The following NAPB variants were observed in gnomAD, a reference collection of about 807,000 sequenced individuals.
NAPB encodes the protein beta-soluble NSF attachment protein.
Under a neutral mutation model 44.7 loss-of-function variants are expected in NAPB, and 26 were observed. The ratio of observed to expected loss-of-function variants is 0.58; its 90% CI spans 0.43 to 0.81. The LOEUF is 0.81. Among genes scored for constraint, NAPB ranks in the 30% least tolerant of loss-of-function variants. The pLI, the probability that NAPB is intolerant of heterozygous loss-of-function variation, is 0.00. For synonymous variants in NAPB, 120 were observed against 116.8 expected (o/e 1.03, Z -0.18); for missense variants, 315 against 356.4 (o/e 0.88, Z 0.94).
intron 7 of NAPB, among the ~76,000 whole-genome samples, chr20:23,385,017 G>C (rs1293828882): frequency 1.3e-5 from 2 of 152,138 alleles, no homozygotes; most frequent in African/African-American, 4.8e-5. Context: ...TACTCGGGAG[G>C]CTGAGGCAGG....
At position 23,377,418 on chromosome 20, in the gene NAPB, C is replaced by T. The variant is rs1365854337; in HGVS notation, c.855G>A (p.Lys285=). The T allele has an allele frequency of 8.1e-6, 13 of 1,603,038 alleles. No homozygotes were observed. Among genetic ancestry groups the T allele is most frequent in the Non-Finnish European group, 1.1e-5 (13 of 1,172,938 alleles). ...WLTTMLLRIK[K]SIQGDGEGDG... ...CTCCTTCTCCATCCCCTTGGATGGA[C>T]TTTTTGATGCGAAGCAACATGGTGG... The change falls in exon 11 of 11, where the codon AAG becomes AAA. Residue 285 remains lysine, a synonymous_variant. Coordinates refer to ENST00000377026, the MANE Select transcript of NAPB (RefSeq NM_022080.3).
At chr20:23,406,262 G>A (rs1277272648) in intron 1 of NAPB, among the ~76,000 whole-genome samples, 2 of 152,164 alleles carry the variant, frequency 1.3e-5, no homozygotes, top group African/African-American at 2.4e-5. Flanking sequence ...AGCAGGCAAA[G>A]ACATCTAGAG....
chr20:23,378,186 T>C (rs1052125421), intron 10 of NAPB, among the ~76,000 whole-genome samples: 1 of 141,820 alleles, frequency 7.1e-6, no homozygotes, highest in East Asian at 2.1e-4. Context: ...TAGCTGGGGG[T>C]GGTGGTGTGC....
intron 2 of NAPB, among the ~76,000 whole-genome samples, chr20:23,401,930 A>G (rs1984887388): frequency 6.6e-6 from 1 of 152,170 alleles, no homozygotes; most frequent in Non-Finnish European, 1.5e-5. Flanking sequence ...ATAAGTAAGT[A>G]AGTGATCTCT....
At chr20:23,386,725 A>C (rs1423211542) in intron 7 of NAPB, among the ~76,000 whole-genome samples, 1 of 152,302 alleles carries the variant, frequency 6.6e-6, no homozygotes, top group South Asian at 2.1e-4. Flanking sequence ...CTGTTTACAT[A>C]ACTCCACTGA....
intron 1 of NAPB, among the ~76,000 whole-genome samples, chr20:23,408,151 C>T (rs1985382794): frequency 6.6e-6 from 1 of 152,200 alleles, no homozygotes; most frequent in Non-Finnish European, 1.5e-5. Context: ...AAATTCAGCT[C>T]TAACATCAGG....
At chr20:23,385,126 AC>A (rs34658304) in intron 7 of NAPB, among the ~76,000 whole-genome samples, 45,014 of 151,846 alleles carry the variant, frequency 0.3, 6,694 homozygotes, top group Middle Eastern at 0.38. Flanking sequence ...CTCAAAACAA[AC>A]AAACAAAAAA....
At chr20:23,409,878 T>G (rs535231394) in intron 1 of NAPB, among the ~76,000 whole-genome samples, 22 of 152,322 alleles carry the variant, frequency 1.4e-4, no homozygotes, top group African/African-American at 5.3e-4. Flanking sequence ...CTGCTGCCAG[T>G]CAGAGGGGCG....
intron 7 of NAPB, among the ~76,000 whole-genome samples, chr20:23,386,736 G>C (rs4813493): frequency 0.25 from 37,841 of 152,086 alleles, 5,408 homozygotes; most frequent in Middle Eastern, 0.36. Flanking sequence ...ACTCCACTGA[G>C]AGCCGACAAC....
intron 7 of NAPB, among the ~76,000 whole-genome samples, chr20:23,387,432 A>T (rs983121179): frequency 6.6e-6 from 1 of 152,196 alleles, no homozygotes; most frequent in African/African-American, 2.4e-5. Flanking sequence ...CATATTGCAG[A>T]GGAAGAAGTA....
intron 7 of NAPB, among the ~76,000 whole-genome samples, chr20:23,389,403 A>G (rs905447260): frequency 2.0e-5 from 3 of 152,192 alleles, no homozygotes; most frequent in African/African-American, 7.2e-5. Context: ...CTGCAATTCT[A>G]TTCCCAGGTA....
In NAPB at chr20:23,413,707, A is replaced by G. The variant is rs189436595; in HGVS notation, c.98+7598T>C. 2.6e-3 allele frequency among the ~76,000 whole-genome samples: 395 copies of G among 152,274 alleles called. 1 individual carries two copies. The highest frequency in any genetic ancestry group is 8.7e-3 in the African/African-American group (360 of 41,584). On this transcript the variant is annotated intron_variant, in intron 1 of 10. Transcript: ENST00000377026. ...AGACTACTATGCACAATGCAAATAC[A>G]TTTTTTAAAACTTAGATAAAATGAA...
At chr20:23,381,924 CTG>C (rs1313455466) in intron 7 of NAPB, among the ~76,000 whole-genome samples, 1 of 152,168 alleles carries the variant, frequency 6.6e-6, no homozygotes, top group Non-Finnish European at 1.5e-5. Flanking sequence ...TCTTGAAAGA[CTG>C]TAAGAAGCAC....
At chr20:23,388,123 C>T (rs557432554) in intron 7 of NAPB, among the ~76,000 whole-genome samples, 14 of 152,126 alleles carry the variant, frequency 9.2e-5, no homozygotes, top group Non-Finnish European at 1.8e-4. Flanking sequence ...GTTCTGAGGC[C>T]TTTGGATTTG....
rs185000616 is a variant in NAPB at position 23,414,372 on chromosome 20, T to C, written c.98+6933A>G. 2.5e-4 allele frequency among the ~76,000 whole-genome samples: 38 copies of C among 152,198 alleles called. No individual in the cohort carries two copies. In the East Asian group the frequency reaches 6.6e-3, roughly 26 times the overall value. ...TAAAAATGGAATCTACATTTAAAAA[T>C]ATATTATAATCCTGAGAGGTTTACT... On this transcript the variant is annotated intron_variant, in intron 1 of 10. Transcript: ENST00000377026.
At chr20:23,412,539 A>G (rs749776979) in intron 1 of NAPB, among the ~76,000 whole-genome samples, 7 of 152,210 alleles carry the variant, frequency 4.6e-5, no homozygotes, top group Non-Finnish European at 1.0e-4. Flanking sequence ...CCCTTTATAA[A>G]GCAGAAATTG....
intron 7 of NAPB, among the ~76,000 whole-genome samples, chr20:23,382,957 C>G (rs902023533): frequency 1.3e-5 from 2 of 151,898 alleles, no homozygotes; most frequent in African/African-American, 4.8e-5. Context: ...GAGTTCAAGA[C>G]CAGCCTGGTC....
intron 7 of NAPB, among the ~76,000 whole-genome samples, chr20:23,383,857 T>TAC (rs956086303): frequency 6.6e-6 from 1 of 152,216 alleles, no homozygotes; most frequent in African/African-American, 2.4e-5. Context: ...CATGTGGTTC[T>TAC]AAATGTATGC....
rs1213969064 is a variant in NAPB, at chr20:23,405,285, AAAAG to A, written c.99-2217_99-2214del. Reference sequence around the variant, plus strand: ...GACAGAGCGAGACTTTGTCAAGAAGAAAAGAAAGAAAGAGAGAGAGACAGAGAAA... The same window carrying A: ...GACAGAGCGAGACTTTGTCAAGAAGAAAAGAAAGAGAGAGAGACAGAGAAA... On this transcript the variant is annotated intron_variant, in intron 1 of 10. Transcript: ENST00000377026. Among the ~76,000 whole-genome samples the A allele has an allele frequency of 5.2e-5, 7 of 134,508 alleles. No individual in the cohort carries two copies. In the East Asian group the frequency reaches 1.4e-3, roughly 26 times the overall value. 88.2% of individuals were successfully genotyped at this position (134,508 alleles called of 152,430 possible). A position where few individuals can be genotyped will look rare whatever the true frequency, so the allele number is the denominator to read the frequency against.
Sources: gnomAD v4.1 joint callset for allele counts (sites outside exome capture counted in the v4.1 genomes callset) on GRCh38, gnomAD v4.1.1 for gene constraint, MANE v1.5 for transcripts, NCBI Gene and HGNC (gene_info 2026-07-23, HGNC 2026-07-21) for gene names.